Variants in ACYP2 observed in about 807,000 individuals in gnomAD.
ACYP2 encodes acylphosphatase 2, also known as acylphosphatase-2.
Under a neutral mutation model 11.2 loss-of-function variants are expected in ACYP2, and 12 were observed. The ratio of observed to expected loss-of-function variants is 1.08; its 90% CI spans 0.69 to 1.74. The LOEUF is 1.74. ACYP2 is among the 40% of genes most tolerant of loss of function. The pLI, the probability that ACYP2 is intolerant of heterozygous loss-of-function variation, is 0.00. For missense variants in ACYP2, 134 were observed against 101.9 expected (o/e 1.31, Z -1.35); for synonymous variants, 43 against 32.2 (o/e 1.33, Z -1.13).
At chr2:53,995,764 A>T (rs1672544637) in intron 2 of ACYP2, among the ~76,000 whole-genome samples, 2 of 151,986 alleles carry the variant, frequency 1.3e-5, no homozygotes, top group Non-Finnish European at 2.9e-5. Flanking sequence ...CAATACTATT[A>T]ATTTTTTACT....
chr2:54,205,189 C>A (rs983887323), intron 6 of ACYP2, among the ~76,000 whole-genome samples: 3 of 152,192 alleles, frequency 2.0e-5, no homozygotes, highest in Non-Finnish European at 4.4e-5. Context: ...TTCTCAAGCA[C>A]CTGCATAGGC....
intron 4 of ACYP2, chr2:54,065,392 C>T: frequency 2.5e-6 from 1 of 398,006 alleles, no homozygotes; most frequent in Non-Finnish European, 4.4e-6. Context: ...TTCTATTCTC[C>T]TATGCTTTTA....
intron 6 of ACYP2, among the ~76,000 whole-genome samples, chr2:54,154,629 G>C (rs1013163398): frequency 6.6e-6 from 1 of 152,114 alleles, no homozygotes; most frequent in East Asian, 1.9e-4. Context: ...AATTCCACTT[G>C]ATCATGGTGA....
intron 4 of ACYP2, among the ~76,000 whole-genome samples, chr2:54,102,780 TCTC>T (rs1241213193): frequency 6.6e-6 from 1 of 151,984 alleles, no homozygotes; most frequent in Non-Finnish European, 1.5e-5. Context: ...TTTGCCCTGC[TCTC>T]CTCTTTGTTG....
At chr2:54,257,469 G>A (rs1687608283) in intron 6 of ACYP2, among the ~76,000 whole-genome samples, 1 of 152,206 alleles carries the variant, frequency 6.6e-6, no homozygotes. Flanking sequence ...ATAGGACAGG[G>A]AGGTGTAATC....
At chr2:54,093,984 A>G (rs141072131) in intron 4 of ACYP2, among the ~76,000 whole-genome samples, 158 of 152,236 alleles carry the variant, frequency 1.0e-3, no homozygotes, top group Non-Finnish European at 1.9e-3. Flanking sequence ...CCCACTCAGT[A>G]TCATTGTGAA....
At chr2:54,261,253 A>G (rs1006529729) in intron 6 of ACYP2, among the ~76,000 whole-genome samples, 2 of 152,216 alleles carry the variant, frequency 1.3e-5, no homozygotes, top group Non-Finnish European at 2.9e-5. Flanking sequence ...AAAGAATAAT[A>G]TACAATTTCA....
At chr2:54,135,636 T>C (rs1681182132) in intron 5 of ACYP2, among the ~76,000 whole-genome samples, 167 bp downstream of exon 2, 1 of 152,346 alleles carries the variant, frequency 6.6e-6, no homozygotes, top group East Asian at 1.9e-4. Context: ...TTGAGATTTT[T>C]ATTAATGCTA....
chr2:53,971,770 C>T (rs189192095), intron 1 of ACYP2, among the ~76,000 whole-genome samples: 85 of 152,278 alleles, frequency 5.6e-4, no homozygotes, highest in Middle Eastern at 3.4e-3. Context: ...TTAATTTAAG[C>T]TATGAAGGTT....
intron 4 of ACYP2, among the ~76,000 whole-genome samples, chr2:54,092,350 G>C (rs957361959): frequency 6.6e-6 from 1 of 152,192 alleles, no homozygotes; most frequent in Non-Finnish European, 1.5e-5. Flanking sequence ...TGGTGGGACA[G>C]AGAAGAATAT....
At chr2:54,229,763 A>C (rs530060092) in intron 6 of ACYP2, among the ~76,000 whole-genome samples, 1 of 152,342 alleles carries the variant, frequency 6.6e-6, no homozygotes, top group East Asian at 1.9e-4. Flanking sequence ...TACTGTTAAG[A>C]GTCCCCCAAA....
rs936505771 is a variant in ACYP2 at position 54,008,691 on chromosome 2, T to A, written c.62+34881T>A. On this transcript the variant is annotated intron_variant, in intron 2 of 6. Transcript: ENST00000607452. ...TTATTACTATTAGTTTTTGTAAATA[T>A]GGGGTTTTGCCATGTTGCCCAGGCT... Among the ~76,000 whole-genome samples, 3 of 152,172 alleles carry A rather than the reference T, an allele frequency of 2.0e-5. No individual in the cohort carries two copies. The East Asian group carries it at 5.8e-4, about 29-fold the overall frequency.
intron 2 of ACYP2, among the ~76,000 whole-genome samples, chr2:53,987,513 T>G (rs1007567040): frequency 1.3e-5 from 2 of 152,216 alleles, no homozygotes; most frequent in African/African-American, 2.4e-5. Flanking sequence ...GTGCAATTTC[T>G]GGGTCAAATG....
chr2:54,037,196 TCTGCCTCCCAGG>T (rs1674948115), intron 2 of ACYP2, among the ~76,000 whole-genome samples: 1 of 151,902 alleles, frequency 6.6e-6, no homozygotes, highest in African/African-American at 2.4e-5. Context: ...CACTAGAACC[TCTGCCTCCCAGG>T]CTCAAGTGAT....
intron 6 of ACYP2, among the ~76,000 whole-genome samples, chr2:54,285,207 C>A (rs1445435087): frequency 6.6e-6 from 1 of 152,162 alleles, no homozygotes; most frequent in Non-Finnish European, 1.5e-5. Context: ...CACAAAGGCC[C>A]TATCTCTTAA....
chr2:54,284,698 TCTC>T (rs1689005677), intron 6 of ACYP2, among the ~76,000 whole-genome samples: 1 of 152,282 alleles, frequency 6.6e-6, no homozygotes, highest in East Asian at 1.9e-4. Context: ...TTATAGCACA[TCTC>T]CTTGATAAAG....
At position 54,262,474 on chromosome 2, in the gene ACYP2, T is replaced by C. The variant is rs114304561; in HGVS notation, c.405-42214T>C. Among the ~76,000 whole-genome samples the C allele has an allele frequency of 5.9e-3, 904 of 152,326 alleles. 13 individuals are homozygous for C. The highest frequency in any genetic ancestry group is 0.021 in the African/African-American group (867 of 41,568). On this transcript the variant is annotated intron_variant, in intron 6 of 6. Transcript: ENST00000607452. Reference sequence around the variant, plus strand: ...CCTAATTTAGATAAAAATTTTTAAGTATTAGAAAAGAAATTGATACTACAG... The same window carrying C: ...CCTAATTTAGATAAAAATTTTTAAGCATTAGAAAAGAAATTGATACTACAG...
At chr2:54,153,401 C>T (rs1682274976) in intron 6 of ACYP2, among the ~76,000 whole-genome samples, 1 of 149,116 alleles carries the variant, frequency 6.7e-6, no homozygotes, top group Non-Finnish European at 1.5e-5. Context: ...AGTTTGAAGT[C>T]AGGTAGAATG....
At chr2:53,972,587 G>GA (rs1558443831) in intron 1 of ACYP2, among the ~76,000 whole-genome samples, 5 of 152,128 alleles carry the variant, frequency 3.3e-5, no homozygotes, top group South Asian at 4.1e-4. Flanking sequence ...AGCCTGGGTG[G>GA]CAGAGCGAGA....
Sources: gnomAD v4.1 joint callset for allele counts (sites outside exome capture counted in the v4.1 genomes callset) on GRCh38, gnomAD v4.1.1 for gene constraint, MANE v1.5 for transcripts, NCBI Gene and HGNC (gene_info 2026-07-23, HGNC 2026-07-21) for gene names.